The following RSF1 variants were observed in gnomAD, a reference collection of about 807,000 sequenced individuals.
RSF1 encodes HBV pX-associated protein 8.
A neutral mutation model predicts 145.2 loss-of-function variants in RSF1; 13 were observed. The ratio of observed to expected loss-of-function variants is 0.09; its 90% CI spans 0.06 to 0.14. RSF1 has a LOEUF of 0.14. Ranked by LOEUF, RSF1 falls within the 10% of genes least tolerant of loss-of-function variation. The pLI, the probability that RSF1 is intolerant of heterozygous loss-of-function variation, is 1.00. For synonymous variants in RSF1, 577 were observed against 592.6 expected, an observed-to-expected ratio of 0.97 and a Z score of 0.38; for missense variants, 1,517 against 1,718.2, an observed-to-expected ratio of 0.88 and a Z score of 2.07.
chr11:77,837,964 G>A, the RSF1 span, among the ~76,000 whole-genome samples: 3 of 152,140 alleles, frequency 2.0e-5, no homozygotes, highest in African/African-American at 7.2e-5. Context: ...TTCCAGCTAG[G>A]AACTAGCCTG....
intron 8 of RSF1, among the ~76,000 whole-genome samples, chr11:77,692,685 T>G (rs915041169): frequency 3.3e-4 from 41 of 125,526 alleles, no homozygotes; most frequent in African/African-American, 1.1e-3. Flanking sequence ...GGCGGTGTTT[T>G]TTTTTTTTTT....
chr11:77,834,635 G>A, the RSF1 span, among the ~76,000 whole-genome samples: 40 of 151,880 alleles, frequency 2.6e-4, no homozygotes, highest in Admixed American at 2.6e-3. Context: ...GGCTGATCTC[G>A]AACTCCTGAC....
At chr11:77,677,599 T>C (rs556455179) in intron 12 of RSF1, among the ~76,000 whole-genome samples, 8 of 152,374 alleles carry the variant, frequency 5.3e-5, no homozygotes, top group African/African-American at 1.9e-4. Flanking sequence ...GAATGTTCCA[T>C]ATTGGAGCAT....
At chr11:77,717,965 C>T (rs1031036094) in intron 5 of RSF1, 3 of 152,162 alleles carry the variant, frequency 2.0e-5, no homozygotes, top group African/African-American at 7.2e-5. Context: ...TATGCAAATG[C>T]TCATTCTAGT....
At chr11:77,723,947 C>T (rs1347107940) in intron 5 of RSF1, among the ~76,000 whole-genome samples, 1 of 152,072 alleles carries the variant, frequency 6.6e-6, no homozygotes, top group Non-Finnish European at 1.5e-5. Context: ...CTCTGTCTTC[C>T]TAGAATGGTT....
intron 5 of RSF1, among the ~76,000 whole-genome samples, chr11:77,704,078 G>A (rs1242425437): frequency 6.6e-6 from 1 of 152,200 alleles, no homozygotes; most frequent in Non-Finnish European, 1.5e-5. Flanking sequence ...TGGATCGCTT[G>A]AGCTCAGGAG....
At chr11:77,673,435 A>C (rs967226593) in intron 14 of RSF1, among the ~76,000 whole-genome samples, 4 of 152,232 alleles carry the variant, frequency 2.6e-5, no homozygotes, top group African/African-American at 9.6e-5. Flanking sequence ...CAAACATTTC[A>C]AAATAGCTAG....
At chr11:77,782,310 G>T (rs1458846361) in intron 1 of RSF1, among the ~76,000 whole-genome samples, 1 of 152,114 alleles carries the variant, frequency 6.6e-6, no homozygotes, top group East Asian at 1.9e-4. Flanking sequence ...GGAGGCTGAG[G>T]CAGGCAGATC....
At chr11:77,751,174 C>T (rs1393355280) in intron 2 of RSF1, among the ~76,000 whole-genome samples, 1 of 152,016 alleles carries the variant, frequency 6.6e-6, no homozygotes, top group Non-Finnish European at 1.5e-5. Flanking sequence ...ACTTCACATG[C>T]CTACAGAGCA....
At chr11:77,804,648 G>A (rs1050143730) in intron 1 of RSF1, among the ~76,000 whole-genome samples, 8 of 152,096 alleles carry the variant, frequency 5.3e-5, no homozygotes, top group African/African-American at 1.2e-4. Context: ...ACCAGCCTGG[G>A]AAACACAGTG....
intron 4 of RSF1, among the ~76,000 whole-genome samples, chr11:77,726,359 G>C (rs917144803): frequency 2.0e-5 from 3 of 152,192 alleles, no homozygotes; most frequent in African/African-American, 7.2e-5. Flanking sequence ...CTGGAATGCA[G>C]TGACCTGATC....
chr11:77,735,155 G>C, intron 4 of RSF1: 1 of 703,686 alleles, frequency 1.4e-6, no homozygotes, highest in Non-Finnish European at 2.6e-6. Flanking sequence ...CGGCCGGCTG[G>C]GGTGGGGGAC....
At chr11:77,829,079 A>G in the RSF1 span, among the ~76,000 whole-genome samples, 1 of 152,202 alleles carries the variant, frequency 6.6e-6, no homozygotes, top group Non-Finnish European at 1.5e-5. Context: ...ATGTGACTGT[A>G]TTTAGAGATA....
intron 9 of RSF1, among the ~76,000 whole-genome samples, chr11:77,689,382 C>T (rs2135835887): frequency 6.6e-6 from 1 of 152,298 alleles, no homozygotes; most frequent in East Asian, 1.9e-4. Flanking sequence ...ACAATTTGGC[C>T]TTACTCAGCT....
intron 2 of RSF1, among the ~76,000 whole-genome samples, chr11:77,761,217 G>C (rs1948168383): frequency 6.6e-6 from 1 of 152,154 alleles, no homozygotes. Flanking sequence ...GGGATTACAG[G>C]CGTGAGCCAC....
At chr11:77,788,943 T>C (rs1293555609) in intron 1 of RSF1, among the ~76,000 whole-genome samples, 1 of 151,880 alleles carries the variant, frequency 6.6e-6, no homozygotes, top group Non-Finnish European at 1.5e-5. Flanking sequence ...GAGGGTGAGA[T>C]GGGAGGATTA....
chr11:77,756,980 C>T (rs966165447), intron 2 of RSF1, among the ~76,000 whole-genome samples: 9 of 152,082 alleles, frequency 5.9e-5, no homozygotes, highest in African/African-American at 2.2e-4. Flanking sequence ...GTAACTGACA[C>T]AGCTATGAAG....
chr11:77,787,022 T>C (rs1437168460), intron 1 of RSF1, among the ~76,000 whole-genome samples: 5 of 151,928 alleles, frequency 3.3e-5, no homozygotes, highest in Non-Finnish European at 7.4e-5. Flanking sequence ...AAGGCAAAGG[T>C]AGAATTAACA....
At chr11:77,744,614 AT>A (rs1238944903) in intron 3 of RSF1, among the ~76,000 whole-genome samples, 2 of 152,202 alleles carry the variant, frequency 1.3e-5, no homozygotes, top group Non-Finnish European at 2.9e-5. Context: ...CATGTATCAC[AT>A]TTATTGATTT....
Sources: allele counts gnomAD v4.1 joint callset (sites outside exome capture counted in the v4.1 genomes callset), GRCh38; gene constraint gnomAD v4.1.1; transcripts MANE v1.5; gene names NCBI Gene and HGNC (gene_info 2026-07-23, HGNC 2026-07-21).